The following DCAF7 variants were observed in gnomAD, a reference collection of about 807,000 sequenced individuals.
The protein encoded by DCAF7 is DDB1 and CUL4 associated factor 7.
In DCAF7, 4 loss-of-function variants were observed where a neutral mutation model predicts 41.2. The ratio of observed to expected loss-of-function variants is 0.10; its 90% CI spans 0.05 to 0.22. DCAF7 has a LOEUF of 0.22. Among genes scored for constraint, DCAF7 ranks in the 10% least tolerant of loss-of-function variants. The pLI, the probability that DCAF7 is intolerant of heterozygous loss-of-function variation, is 1.00. For synonymous variants in DCAF7, 143 were observed against 164.2 expected (o/e 0.87, Z 0.99); for missense variants, 131 against 443.2 (o/e 0.30, Z 6.32).
chr17:63,561,465 A>G (rs999890902), intron 1 of DCAF7, among the ~76,000 whole-genome samples: 6 of 152,098 alleles, frequency 3.9e-5, no homozygotes, highest in African/African-American at 1.4e-4. Flanking sequence ...CACACCTGTA[A>G]TCCCAGCGCT....
intron 4 of DCAF7, 35 bp from the exon 5 acceptor site, chr17:63,583,467 T>C (rs750164675): frequency 6.3e-7 from 1 of 1,586,084 alleles, no homozygotes. Context: ...AGGTAATGGA[T>C]CTGAATCTGA....
At chr17:63,559,391 A>G (rs1251453392) in intron 1 of DCAF7, among the ~76,000 whole-genome samples, 85 of 97,054 alleles carry the variant, frequency 8.8e-4, no homozygotes, top group Non-Finnish European at 1.3e-3. Flanking sequence ...ATATATGTAT[A>G]TATATATGTA....
At chr17:63,584,278 G>C (rs566084740) in intron 5 of DCAF7, among the ~76,000 whole-genome samples, 1 of 152,058 alleles carries the variant, frequency 6.6e-6, no homozygotes. Context: ...GACCATCCTG[G>C]CCAACATGGC....
chr17:63,581,415 C>G (rs1299168385), intron 4 of DCAF7, among the ~76,000 whole-genome samples: 8 of 152,178 alleles, frequency 5.3e-5, no homozygotes, highest in Non-Finnish European at 8.8e-5. Context: ...ATGGGAGCAG[C>G]AGGAAGCTGC....
chr17:63,574,033 A>G (rs1204940470), intron 1 of DCAF7, among the ~76,000 whole-genome samples: 1 of 151,934 alleles, frequency 6.6e-6, no homozygotes, highest in Non-Finnish European at 1.5e-5. Context: ...CTTCCAGCCT[A>G]CCCTCAGCAC....
chr17:63,572,418 G>T (rs2033517647), intron 1 of DCAF7, among the ~76,000 whole-genome samples: 1 of 152,164 alleles, frequency 6.6e-6, no homozygotes, highest in Non-Finnish European at 1.5e-5. Flanking sequence ...GTAAGGAAAG[G>T]GATGGGAAGC....
chr17:63,564,208 G>T (rs943526636), intron 1 of DCAF7, among the ~76,000 whole-genome samples: 7 of 151,580 alleles, frequency 4.6e-5, no homozygotes, highest in Non-Finnish European at 7.4e-5. Context: ...GATTTTATAT[G>T]ATGTGATACA....
intron 6 of DCAF7, among the ~76,000 whole-genome samples, chr17:63,587,025 TC>T (rs1467277640): frequency 6.6e-6 from 1 of 152,176 alleles, no homozygotes; most frequent in Non-Finnish European, 1.5e-5. Context: ...ATATACTTCT[TC>T]CTTTTGCACT....
intron 1 of DCAF7, among the ~76,000 whole-genome samples, chr17:63,565,294 G>T (rs2033428298): frequency 1.3e-5 from 2 of 152,080 alleles, no homozygotes. Context: ...GAGCTTTGTG[G>T]CCGGGCATGG....
rs1030838088 is a variant in DCAF7, at chr17:63,589,230, C to T, written c.*58C>T. ...TTTTGTATTTCCTGCCTCTGCCCCACCCCCAAAGTAAGAAGAAACATGTTT... is the reference window on the plus strand; with the variant it reads ...TTTTGTATTTCCTGCCTCTGCCCCATCCCCAAAGTAAGAAGAAACATGTTT... On this transcript the variant is annotated 3_prime_UTR_variant, in exon 7 of 7. Transcript: ENST00000614556. 5 of 1,596,782 alleles carry T rather than the reference C, an allele frequency of 3.1e-6. No homozygotes were observed. The highest frequency in any genetic ancestry group is 2.2e-5 in the East Asian group (1 of 44,812).
chr17:63,582,336 G>A (rs575988612), intron 4 of DCAF7, among the ~76,000 whole-genome samples: 1 of 152,330 alleles, frequency 6.6e-6, no homozygotes, highest in South Asian at 2.1e-4. Context: ...GTAATATTTA[G>A]TGAGAAATTC....
intron 1 of DCAF7, among the ~76,000 whole-genome samples, chr17:63,574,662 A>G (rs540861857): frequency 2.6e-5 from 4 of 152,332 alleles, no homozygotes; most frequent in Non-Finnish European, 4.4e-5. Flanking sequence ...CCAATGAACA[A>G]TTGGAAATGG....
chr17:63,557,416 G>A (rs1412934676), intron 1 of DCAF7, among the ~76,000 whole-genome samples: 1 of 152,130 alleles, frequency 6.6e-6, no homozygotes, highest in East Asian at 1.9e-4. Context: ...CACTGAGGCA[G>A]GAGACTTACT....
chr17:63,565,121 G>A (rs1483410167), intron 1 of DCAF7, among the ~76,000 whole-genome samples: 1 of 152,124 alleles, frequency 6.6e-6, no homozygotes, highest in Non-Finnish European at 1.5e-5. Flanking sequence ...CTGGGTGAGA[G>A]TGAGACCCCA....
rs887664935 is a variant in DCAF7, at chr17:63,590,711, C to T, written c.*1539C>T. ...CTCCTACCCGAAGGTTTTTAAGTCC[C>T]TCTGAATTGCTCATCTGAGATTAGT... On this transcript the variant is annotated 3_prime_UTR_variant, in exon 7 of 7. Transcript: ENST00000614556. 1.3e-5 allele frequency: 2 copies of T among 152,582 alleles called. No homozygotes were observed. Among genetic ancestry groups the T allele is most frequent in the African/African-American group, 4.8e-5 (2 of 41,408 alleles). 9.5% of individuals were successfully genotyped at this position (152,582 alleles called of 1,614,324 possible). A position where few individuals can be genotyped will look rare whatever the true frequency, so the allele number is the denominator to read the frequency against.
intron 1 of DCAF7, among the ~76,000 whole-genome samples, chr17:63,554,866 AAG>A (rs145937464): frequency 0.013 from 1,961 of 152,344 alleles, 36 homozygotes; most frequent in African/African-American, 0.044. Flanking sequence ...ATTCAGGAAT[AAG>A]AGGTCAGAAA....
intron 1 of DCAF7, among the ~76,000 whole-genome samples, chr17:63,551,057 C>T (rs2033246916): frequency 6.6e-6 from 1 of 152,226 alleles, no homozygotes; most frequent in Non-Finnish European, 1.5e-5. Context: ...TGTGACTTGC[C>T]TGGGTCAGGC....
At chr17:63,563,565 C>T (rs1004238129) in intron 1 of DCAF7, among the ~76,000 whole-genome samples, 4 of 152,080 alleles carry the variant, frequency 2.6e-5, no homozygotes, top group Non-Finnish European at 5.9e-5. Context: ...GGTGGCTGGG[C>T]GTGGTGGCTC....
At chr17:63,554,254 G>C (rs1210731735) in intron 1 of DCAF7, among the ~76,000 whole-genome samples, 1 of 152,182 alleles carries the variant, frequency 6.6e-6, no homozygotes, top group Non-Finnish European at 1.5e-5. Context: ...CTTTTGTTGT[G>C]GTCTCTTGAG....
Sources: allele counts gnomAD v4.1 joint callset (sites outside exome capture counted in the v4.1 genomes callset), GRCh38; gene constraint gnomAD v4.1.1; transcripts MANE v1.5; gene names NCBI Gene and HGNC (gene_info 2026-07-23, HGNC 2026-07-21).